The following POLN variants were observed in gnomAD, a reference collection of about 807,000 sequenced individuals.
The protein encoded by POLN is DNA polymerase nu.
POLN carries 108 observed loss-of-function variants against 113.5 expected under a neutral mutation model. That is an observed-to-expected ratio of 0.95 (90% CI 0.81 to 1.12). The LOEUF (loss-of-function observed/expected upper bound fraction) is 1.12, where lower values mean the gene tolerates loss of function less well. Ranked by LOEUF, POLN falls within the 50% of genes most tolerant of loss-of-function variation. POLN has a pLI of 0.00. For synonymous variants in POLN, 386 were observed against 391.5 expected, an observed-to-expected ratio of 0.99 and a Z score of 0.17; for missense variants, 1,097 against 1,077.1, an observed-to-expected ratio of 1.02 and a Z score of -0.26.
At chr4:2,134,620 G>A (rs962524411) in intron 16 of POLN, among the ~76,000 whole-genome samples, 2 of 152,060 alleles carry the variant, frequency 1.3e-5, no homozygotes, top group South Asian at 2.1e-4. Flanking sequence ...TTGATACCAC[G>A]ACTTCTCCTC....
intron 16 of POLN, among the ~76,000 whole-genome samples, chr4:2,151,684 T>C (rs914641311): frequency 1.3e-5 from 2 of 152,162 alleles, no homozygotes; most frequent in Admixed American, 6.5e-5. Flanking sequence ...CTGAAGCTCA[T>C]AGTAACAACG....
chr4:2,215,960 T>A (rs1734103330), intron 3 of POLN, among the ~76,000 whole-genome samples: 1 of 152,142 alleles, frequency 6.6e-6, no homozygotes, highest in South Asian at 2.1e-4. Flanking sequence ...CAAACCCTCA[T>A]CCCTGAGAGG....
intron 19 of POLN, among the ~76,000 whole-genome samples, chr4:2,119,915 A>G (rs1461765749): frequency 6.6e-6 from 1 of 152,222 alleles, no homozygotes; most frequent in Non-Finnish European, 1.5e-5. Flanking sequence ...AAGAACTAAT[A>G]CAAGCTAATA....
intron 3 of POLN, among the ~76,000 whole-genome samples, chr4:2,214,615 G>A (rs1734068997): frequency 6.6e-6 from 1 of 152,166 alleles, no homozygotes; most frequent in South Asian, 2.1e-4. Flanking sequence ...AACTATAACT[G>A]GAAACACAGG....
At chr4:2,170,995 T>A in intron 12 of POLN, 103 bp downstream of exon 12, 1 of 1,114,890 alleles carries the variant, frequency 9.0e-7, no homozygotes, top group Non-Finnish European at 1.3e-6. Context: ...AACTTACTTT[T>A]CAGATAGTTG....
At chr4:2,212,424 G>A (rs1428493753) in intron 4 of POLN, among the ~76,000 whole-genome samples, 1 of 152,090 alleles carries the variant, frequency 6.6e-6, no homozygotes, top group Non-Finnish European at 1.5e-5. Flanking sequence ...GCCCAGGCTG[G>A]AGTGTTGTGG....
At chr4:2,197,315 A>C (rs1733604641) in intron 6 of POLN, among the ~76,000 whole-genome samples, 1 of 152,240 alleles carries the variant, frequency 6.6e-6, no homozygotes, top group South Asian at 2.1e-4. Flanking sequence ...AGTAACAGCA[A>C]CGCAGTGGAT....
At chr4:2,236,844 C>G (rs1734784571) in intron 2 of POLN, among the ~76,000 whole-genome samples, 1 of 151,166 alleles carries the variant, frequency 6.6e-6, no homozygotes, top group Admixed American at 6.6e-5. Context: ...GCCTGGGCGA[C>G]AGAGTGAGAC....
In POLN at chr4:2,090,515, A is replaced by T. The variant is rs940568987; in HGVS notation, c.2066-4771T>A. On this transcript the variant is annotated intron_variant, in intron 20 of 25. Transcript: ENST00000511885. ...GAATAAATAAACTGAGCAGCTGTTG[A>T]TAGCAAAATACAAGAATCATCCTCT... 8 of 509,738 alleles carry T rather than the reference A, an allele frequency of 1.6e-5. No individual in the cohort carries two copies. The Middle Eastern group carries it at 1.2e-3, about 75-fold the overall frequency. 31.6% of individuals were successfully genotyped at this position (509,738 alleles called of 1,614,324 possible).
Position 2,208,300 on chromosome 4 carries a change from T to A in POLN, c.401A>T (p.His134Leu). Residue 134 changes from histidine (H) to leucine (L), a missense_variant, in exon 5 of 26, where the codon CAT (histidine) becomes CTT (leucine). Coordinates refer to ENST00000511885, the MANE Select transcript of POLN (RefSeq NM_181808.4). ...QEASVLQKKGHKRKHFLMENI... is the reference protein window; with the variant it reads ...QEASVLQKKGLKRKHFLMENI... ...CTCCATTAGGAAATGCTTTCTTTTA[T>A]GCCCCTTTTTCTGTAGAACTGAAGC... is the stretch of plus-strand genomic sequence containing the variant. 1 of 1,602,454 alleles carries A rather than the reference T, an allele frequency of 6.2e-7. No individual in the cohort carries two copies. Among genetic ancestry groups the A allele is most frequent in the African/African-American group, 1.3e-5 (1 of 74,482 alleles).
At chr4:2,240,425 T>C (rs1734937068) in intron 2 of POLN, 1 of 1,613,798 alleles carries the variant, frequency 6.2e-7, no homozygotes, top group Non-Finnish European at 8.5e-7. Flanking sequence ...TCATCAATTG[T>C]GTAACTTCAT....
At chr4:2,187,194 T>G (rs1475075429) in intron 7 of POLN, among the ~76,000 whole-genome samples, 2 of 152,178 alleles carry the variant, frequency 1.3e-5, no homozygotes, top group East Asian at 3.8e-4. Context: ...AATAGAAAGC[T>G]TATTCAAAAA....
At chr4:2,131,399 A>T (rs1386978177) in intron 16 of POLN, 109 bp from the exon 17 acceptor site, 2 of 719,858 alleles carry the variant, frequency 2.8e-6, no homozygotes, top group Non-Finnish European at 4.6e-6. Flanking sequence ...CAAGTAAGCC[A>T]ATGTAACATG....
At chr4:2,240,289 T>C in intron 2 of POLN, 1 of 1,612,664 alleles carries the variant, frequency 6.2e-7, no homozygotes, top group Non-Finnish European at 8.5e-7. Context: ...AAGAACTGTT[T>C]TTTGGTATAC....
At chr4:2,102,962 GT>G (rs1039865938) in intron 19 of POLN, among the ~76,000 whole-genome samples, 55 of 152,274 alleles carry the variant, frequency 3.6e-4, no homozygotes, top group African/African-American at 1.2e-3. Flanking sequence ...AGCAGCAACT[GT>G]TACACCAGAT....
At chr4:2,082,708 TAAG>T (rs888536319) in intron 21 of POLN, 22 of 152,326 alleles carry the variant, frequency 1.4e-4, no homozygotes, top group East Asian at 5.8e-4. Context: ...ACAAGATTCT[TAAG>T]AAGGACTGGC....
At chr4:2,120,928 G>A (rs942069881) in intron 19 of POLN, among the ~76,000 whole-genome samples, 3 of 152,158 alleles carry the variant, frequency 2.0e-5, no homozygotes, top group African/African-American at 7.2e-5. Context: ...TTACTTATTA[G>A]TTCTAAGAGT....
In POLN at chr4:2,171,102, C is replaced by T. The variant is rs374071072; in HGVS notation, c.1454G>A (p.Arg485Gln). Residue 485 changes from arginine to glutamine, a missense_variant, in exon 12 of 26, where the codon CGA (arginine) becomes CAA (glutamine). Physicochemically the swap from Arg to Gln is conservative, Grantham distance 43. Transcript: ENST00000511885. ...RFLITSNNQL[R>Q]EILFGKLKLH... ...AGAACCAAAATTCAGCTTTACCTCTCGAAGCTGGTTATTGCTCGTTATAAG... is the reference window on the plus strand; with the variant it reads ...AGAACCAAAATTCAGCTTTACCTCTTGAAGCTGGTTATTGCTCGTTATAAG... The T allele has an allele frequency of 1.4e-5, 22 of 1,611,128 alleles. No homozygotes were observed. The African/African-American group carries it at 2.1e-4, about 16-fold the overall frequency.
At chr4:2,166,063 C>T (rs1732720938) in intron 13 of POLN, among the ~76,000 whole-genome samples, 1 of 152,182 alleles carries the variant, frequency 6.6e-6, no homozygotes. Flanking sequence ...AGGTGTGAGC[C>T]ACCATACATG....
Sources: allele counts gnomAD v4.1 joint callset (sites outside exome capture counted in the v4.1 genomes callset), GRCh38; gene constraint gnomAD v4.1.1; transcripts MANE v1.5; gene names NCBI Gene and HGNC (gene_info 2026-07-23, HGNC 2026-07-21).